KASH5: variants seen among roughly 807,000 people sequenced by gnomAD.
KASH5 encodes KASH domain containing 5.
A neutral mutation model predicts 84.2 loss-of-function variants in KASH5; 72 were observed. The observed-to-expected ratio is 0.85, with a 90% CI of 0.71 to 1.04. The LOEUF is 1.04. Among genes scored for constraint, KASH5 ranks in the 50% least tolerant of loss-of-function variants. KASH5 has a pLI of 0.00. For synonymous variants in KASH5, 260 were observed against 279.1 expected, an observed-to-expected ratio of 0.93 and a Z score of 0.68; for missense variants, 650 against 701.0, an observed-to-expected ratio of 0.93 and a Z score of 0.82.
intron 17 of KASH5, chr19:49,415,388 C>T (rs1044682872): frequency 1.6e-5 from 5 of 320,848 alleles, no homozygotes; most frequent in Non-Finnish European, 1.8e-5. Flanking sequence ...GCGTAGTGCC[C>T]GCAGCCCCCC....
Position 49,417,513 on chromosome 19 carries a change from G to C in KASH5, c.*3G>C. 1 of 1,530,314 alleles carries C rather than the reference G, an allele frequency of 6.5e-7. No homozygotes were observed. Among genetic ancestry groups the C allele is most frequent in the Non-Finnish European group, 8.8e-7 (1 of 1,135,382 alleles). The allele number at this position is 1,530,314 out of a possible 1,614,324, so 94.8% of individuals were successfully genotyped here. On this transcript the variant is annotated 3_prime_UTR_variant, in exon 20 of 20. Coordinates refer to ENST00000447857, the MANE Select transcript of KASH5 (RefSeq NM_144688.5). The surrounding 1 kb of genome is among the most constrained non-coding windows in gnomAD (Gnocchi z 5.2). ...ACCTCCAGCCCCCTCCAGTGTGAGA[G>C]GCTCTACTTGCCCCTCAGAGCAGTG...
At chr19:49,411,121 G>A (rs1319381014) in intron 15 of KASH5, among the ~76,000 whole-genome samples, 1 of 150,986 alleles carries the variant, frequency 6.6e-6, no homozygotes, top group Non-Finnish European at 1.5e-5. Context: ...TCTATTTTTT[G>A]TAGAAATGAG....
intron 17 of KASH5, chr19:49,415,328 C>T (rs540491831): frequency 2.3e-5 from 9 of 396,026 alleles, no homozygotes; most frequent in South Asian, 4.7e-5. Flanking sequence ...CGCCCACACT[C>T]GGGAGAGGTT....
rs1016017099 is a variant in KASH5, at chr19:49,412,434, G to T, written c.1270-534G>T. ...AGGGATGTCTGGGGGCTGCCTGGAA[G>T]AGTTGGGTGCACCATCCTGGAGCTC... On this transcript the variant is annotated intron_variant, in intron 15 of 19. Coordinates refer to ENST00000447857, the MANE Select transcript of KASH5 (RefSeq NM_144688.5). This position sits in a 1 kb window ranked among gnomAD's most constrained non-coding sequence, Gnocchi z 4.6. Among the ~76,000 whole-genome samples, 2 of 152,114 alleles carry T rather than the reference G, an allele frequency of 1.3e-5. No individual in the cohort carries two copies. The highest frequency in any genetic ancestry group is 4.8e-5 in the African/African-American group (2 of 41,422).
intron 2 of KASH5, among the ~76,000 whole-genome samples, chr19:49,394,192 G>GAA (rs1204198129): frequency 1.3e-5 from 2 of 152,180 alleles, no homozygotes; most frequent in Non-Finnish European, 2.9e-5. Flanking sequence ...AGGAGAGGAG[G>GAA]AAAGGGTGAT....
rs1974571817 is a variant in KASH5, at chr19:49,407,623, T to C, written c.945T>C (p.Asp315=). 26 of 1,599,676 alleles carry C rather than the reference T, an allele frequency of 1.6e-5. No homozygotes were observed. Among genetic ancestry groups the C allele is most frequent in the Non-Finnish European group, 2.2e-5 (26 of 1,173,442 alleles). Residue 315 remains aspartate (D), a synonymous_variant, in exon 12 of 20, where the codon GAT becomes GAC. Transcript: ENST00000447857. ...TTCGGCTTTCCTAGCGCACTCGCGA[T>C]GTGGAGAGCCTGGCCCAGACCCTGG... ...RDTILSERTR[D]VESLAQTLEE...
Position 49,406,803 on chromosome 19 carries a change from A to G in KASH5, c.799-83A>G, listed in dbSNP as rs936702181. The G allele has an allele frequency of 8.0e-6, 10 of 1,245,860 alleles. No individual in the cohort carries two copies. In the African/African-American group the frequency reaches 1.2e-4, roughly 15 times the overall value. 77.2% of individuals were successfully genotyped at this position (1,245,860 alleles called of 1,614,324 possible). Reference sequence around the variant, plus strand: ...TTAGCATGAGGCCTGATGTATATCAATCAAGTGTTTAGCAAATATCTGCTG... The same window carrying G: ...TTAGCATGAGGCCTGATGTATATCAGTCAAGTGTTTAGCAAATATCTGCTG... On this transcript the variant is annotated intron_variant, in intron 9 of 19. Coordinates refer to ENST00000447857, the MANE Select transcript of KASH5 (RefSeq NM_144688.5).
rs1396655085 is a variant in KASH5, at chr19:49,411,924, GA to G, written c.1270-1042del. On this transcript the variant is annotated intron_variant, in intron 15 of 19. Coordinates refer to ENST00000447857, the MANE Select transcript of KASH5 (RefSeq NM_144688.5). ...GGAGGGAGGGAGGGAAGGAGGGAAG[GA>G]AGGAAGGAAGGAAGGAAGGAAGGAA... Among the ~76,000 whole-genome samples, 9 of 35,992 alleles carry G rather than the reference GA, an allele frequency of 2.5e-4. No homozygotes were observed. In the East Asian group the frequency reaches 3.0e-3, roughly 12 times the overall value. The allele number at this position is 35,992 out of a possible 152,430, so 23.6% of individuals were successfully genotyped here. A position where few individuals can be genotyped will look rare whatever the true frequency, so the allele number is the denominator to read the frequency against.
intron 1 of KASH5, among the ~76,000 whole-genome samples, chr19:49,388,796 G>A (rs1047785963): frequency 6.6e-6 from 1 of 151,530 alleles, no homozygotes; most frequent in Non-Finnish European, 1.5e-5. Flanking sequence ...GAATCGTCTA[G>A]AAATTGTCAG....
rs745616662 is a variant in KASH5, at chr19:49,398,146, G to A, written c.629+3G>A. ...GCTCTGCGTAAGCAGCTTCACAGGTGGGCTGGATGCCACACCCACCCTCCC... is the reference window on the plus strand; with the variant it reads ...GCTCTGCGTAAGCAGCTTCACAGGTAGGCTGGATGCCACACCCACCCTCCC... On this transcript the variant is annotated splice_donor_region_variant and intron_variant, in intron 7 of 19. Transcript: ENST00000447857. 3 of 1,565,510 alleles carry A rather than the reference G, an allele frequency of 1.9e-6. No individual in the cohort carries two copies. Among genetic ancestry groups the A allele is most frequent in the South Asian group, 2.4e-5 (2 of 84,644 alleles).
At position 49,410,547 on chromosome 19, in the gene KASH5, G is replaced by A. The variant is rs536882536; in HGVS notation, c.1269+672G>A. 6.1e-5 allele frequency among the ~76,000 whole-genome samples: 9 copies of A among 148,164 alleles called. No individual in the cohort carries two copies. The South Asian group carries it at 1.7e-3, about 29-fold the overall frequency. On this transcript the variant is annotated intron_variant, in intron 15 of 19. Transcript: ENST00000447857. ...CACCCAGGCTGGAGTGCAGTGGCACGATCTCAGCTCACTGCAACCTCCACC... is the reference window on the plus strand; with the variant it reads ...CACCCAGGCTGGAGTGCAGTGGCACAATCTCAGCTCACTGCAACCTCCACC...
At chr19:49,392,405 A>G (rs745442450) in intron 2 of KASH5, among the ~76,000 whole-genome samples, 30 of 152,170 alleles carry the variant, frequency 2.0e-4, no homozygotes, top group Non-Finnish European at 4.0e-4. Flanking sequence ...TAGAGGAGAT[A>G]GAGACACTGA....
rs1386500330 is a variant in KASH5, at chr19:49,411,609, A to G, written c.1270-1359A>G. On this transcript the variant is annotated intron_variant, in intron 15 of 19. Transcript: ENST00000447857. ...TGCTTTGAGCTGTCAGATGCCCCTG[A>G]GAGACAGGCTTGTCAAGGGGAAGAC... 2.0e-5 allele frequency among the ~76,000 whole-genome samples: 3 copies of G among 152,136 alleles called. No individual in the cohort carries two copies. In the East Asian group the frequency reaches 5.8e-4, roughly 29 times the overall value.
In KASH5 at chr19:49,416,994, G is replaced by T. The variant is rs766631277; in HGVS notation, c.1375-21G>T. On this transcript the variant is annotated intron_variant, in intron 17 of 19. Coordinates refer to ENST00000447857, the MANE Select transcript of KASH5 (RefSeq NM_144688.5). The surrounding 1 kb of genome is among the most constrained non-coding windows in gnomAD (Gnocchi z 5.4). ...CAGTCCAGAACCCGGTGCCTCCAAC[G>T]CATCTCTTCTGTCCTTGCAGGCTGA... The T allele has an allele frequency of 6.4e-7, 1 of 1,571,884 alleles. No individual in the cohort carries two copies. The highest frequency in any genetic ancestry group is 1.4e-5 in the African/African-American group (1 of 73,958).
chr19:49,400,224 T>A (rs1423365288), intron 9 of KASH5, among the ~76,000 whole-genome samples: 216 of 44,216 alleles, frequency 4.9e-3, no homozygotes, highest in African/African-American at 0.018. Context: ...CGAGAGCCTC[T>A]CAAAAAAAAA....
chr19:49,412,884 C>A lies in KASH5; in HGVS notation c.1270-84C>A. 1 of 1,360,928 alleles carries A rather than the reference C, an allele frequency of 7.3e-7. No homozygotes were observed. 84.3% of individuals were successfully genotyped at this position (1,360,928 alleles called of 1,614,324 possible). A position where few individuals can be genotyped will look rare whatever the true frequency, so the allele number is the denominator to read the frequency against. On this transcript the variant is annotated intron_variant, in intron 15 of 19. Coordinates refer to ENST00000447857, the MANE Select transcript of KASH5 (RefSeq NM_144688.5). This position sits in a 1 kb window ranked among gnomAD's most constrained non-coding sequence, Gnocchi z 4.6. The stretch of plus-strand genomic sequence containing the variant: ...ACCTTTTGTATATGGGGTCTGGGAC[C>A]GGCGGGGGAGACAGTGGGCACTGTT...
chr19:49,391,023 C>A, intron 2 of KASH5, 97 bp downstream of exon 2: 3 of 1,376,072 alleles, frequency 2.2e-6, no homozygotes, highest in Non-Finnish European at 3.0e-6. Context: ...GGAGAGGTGG[C>A]TGGGGGTGGC....
At chr19:49,397,786 G>C in intron 6 of KASH5, 69 bp downstream of exon 6, 2 of 1,558,116 alleles carry the variant, frequency 1.3e-6, no homozygotes, top group Non-Finnish European at 1.8e-6. Context: ...GCCGAGGCCC[G>C]GGTAGGGCTT....
Position 49,409,302 on chromosome 19 carries a change from G to A in KASH5, c.1146+19G>A. On this transcript the variant is annotated intron_variant, in intron 14 of 19. Transcript: ENST00000447857. ...TCGACAGGTGGGCCTAACACCCCTGGAATAAGCTGCAGGCCACCAAGGCAG... is the reference window on the plus strand; with the variant it reads ...TCGACAGGTGGGCCTAACACCCCTGAAATAAGCTGCAGGCCACCAAGGCAG... 2 of 1,611,152 alleles carry A rather than the reference G, an allele frequency of 1.2e-6. No homozygotes were observed. Among genetic ancestry groups the A allele is most frequent in the East Asian group, 2.2e-5 (1 of 44,838 alleles).
Sources: gnomAD v4.1 joint callset for allele counts (sites outside exome capture counted in the v4.1 genomes callset) on GRCh38, gnomAD v4.1.1 for gene constraint, Gnocchi (gnomAD v3.1) non-coding constraint, MANE v1.5 for transcripts, NCBI Gene and HGNC (gene_info 2026-07-23, HGNC 2026-07-21) for gene names.